Variants in CDH13 observed in about 807,000 individuals in gnomAD.
CDH13 encodes the protein cadherin-13.
Under a neutral mutation model 63.8 loss-of-function variants are expected in CDH13, and 24 were observed. That is an observed-to-expected ratio of 0.38 (90% CI 0.27 to 0.53). CDH13 has a LOEUF of 0.53. Among genes scored for constraint, CDH13 ranks in the 20% least tolerant of loss-of-function variants. The probability of loss-of-function intolerance (pLI) is 0.85; values close to 1 mark genes in which losing one functional copy is unlikely to be tolerated. For synonymous variants in CDH13, 503 were observed against 355.3 expected, an observed-to-expected ratio of 1.42 and a Z score of -4.67; for missense variants, 1,049 against 903.1, an observed-to-expected ratio of 1.16 and a Z score of -2.07.
chr16:83,438,472 G>C (rs568629949), intron 6 of CDH13, among the ~76,000 whole-genome samples: 1 of 152,334 alleles, frequency 6.6e-6, no homozygotes, highest in African/African-American at 2.4e-5. Context: ...CCCGGTCACA[G>C]TTGTCTCTTC....
At chr16:83,114,865 G>T (rs1228659226) in intron 3 of CDH13, among the ~76,000 whole-genome samples, 3 of 152,198 alleles carry the variant, frequency 2.0e-5, no homozygotes, top group African/African-American at 7.2e-5. Flanking sequence ...GAATTGAGTA[G>T]CACAGAACTG....
intron 10 of CDH13, among the ~76,000 whole-genome samples, chr16:83,696,257 A>T (rs996857566): frequency 6.6e-6 from 1 of 152,122 alleles, no homozygotes; most frequent in Non-Finnish European, 1.5e-5. Flanking sequence ...CTATTTTTTT[A>T]AAAAGTCATG....
At chr16:83,179,886 TTAAG>T (rs894756505) in intron 4 of CDH13, among the ~76,000 whole-genome samples, 16 of 146,668 alleles carry the variant, frequency 1.1e-4, no homozygotes, top group African/African-American at 4.4e-4. Context: ...TCAAAATAGG[TTAAG>T]TTTTTTTTTT....
intron 1 of CDH13, among the ~76,000 whole-genome samples, chr16:82,667,233 A>C (rs1259567248): frequency 1.3e-5 from 2 of 152,218 alleles, no homozygotes; most frequent in Admixed American, 6.5e-5. Context: ...TATCCCATAA[A>C]GCAGAGAGCT....
At chr16:83,456,072 G>T (rs902269126) in intron 6 of CDH13, among the ~76,000 whole-genome samples, 5 of 152,208 alleles carry the variant, frequency 3.3e-5, no homozygotes, top group African/African-American at 1.2e-4. Context: ...CCAATATCCA[G>T]CCCTGGCTTG....
intron 7 of CDH13, among the ~76,000 whole-genome samples, chr16:83,589,468 T>G (rs1373060375): frequency 6.6e-6 from 1 of 151,518 alleles, no homozygotes; most frequent in Non-Finnish European, 1.5e-5. Flanking sequence ...GTGATCACAT[T>G]GGGCCCATTC....
chr16:83,475,842 C>T (rs1350225838), intron 6 of CDH13, among the ~76,000 whole-genome samples: 1 of 152,200 alleles, frequency 6.6e-6, no homozygotes, highest in Admixed American at 6.5e-5. Flanking sequence ...ACCTCGGCCT[C>T]CCAAAGTGAT....
At chr16:83,650,812 C>T (rs575500420) in intron 8 of CDH13, among the ~76,000 whole-genome samples, 3 of 152,238 alleles carry the variant, frequency 2.0e-5, no homozygotes, top group South Asian at 4.1e-4. Flanking sequence ...GTGGCTAATG[C>T]CTGTTATCTT....
intron 1 of CDH13, among the ~76,000 whole-genome samples, chr16:82,630,960 A>T (rs1054495852): frequency 6.6e-5 from 10 of 152,236 alleles, no homozygotes; most frequent in African/African-American, 2.4e-4. Context: ...AAGAACTTCA[A>T]TGCAGCAACT....
intron 2 of CDH13, among the ~76,000 whole-genome samples, chr16:82,882,102 T>TA (rs1236376740): frequency 6.6e-6 from 1 of 152,204 alleles, no homozygotes; most frequent in African/African-American, 2.4e-5. Context: ...AGAGCTTTTT[T>TA]AAAAAAATAA....
At chr16:83,448,534 C>A (rs1461374909) in intron 6 of CDH13, among the ~76,000 whole-genome samples, 2 of 152,124 alleles carry the variant, frequency 1.3e-5, no homozygotes, top group African/African-American at 4.8e-5. Flanking sequence ...TGATAGGGGC[C>A]TCTTCATAGA....
At chr16:83,386,561 T>A (rs79449174) in intron 6 of CDH13, among the ~76,000 whole-genome samples, 1 of 152,188 alleles carries the variant, frequency 6.6e-6, no homozygotes, top group East Asian at 1.9e-4. Context: ...CGGATAGTAT[T>A]ACCCACCCTA....
intron 5 of CDH13, among the ~76,000 whole-genome samples, chr16:83,225,231 A>C (rs1407790028): frequency 6.6e-6 from 1 of 152,154 alleles, no homozygotes; most frequent in Non-Finnish European, 1.5e-5. Context: ...TGACCTGATC[A>C]CTAATTGGCC....
chr16:82,929,594 G>T (rs2042413670), intron 2 of CDH13, among the ~76,000 whole-genome samples: 1 of 138,576 alleles, frequency 7.2e-6, no homozygotes, highest in African/African-American at 2.7e-5. Context: ...GGAGCTTGCA[G>T]TGAGCAAACG....
At chr16:83,070,856 C>T (rs1567801291) in intron 3 of CDH13, among the ~76,000 whole-genome samples, 2 of 28,466 alleles carry the variant, frequency 7.0e-5, no homozygotes, top group African/African-American at 2.0e-4. Context: ...TAATAAACAG[C>T]CCCCCCCCCC....
At chr16:82,659,130 G>T (rs1283832858) in intron 1 of CDH13, among the ~76,000 whole-genome samples, 1 of 152,176 alleles carries the variant, frequency 6.6e-6, no homozygotes, top group African/African-American at 2.4e-5. Context: ...CACAGTTGCT[G>T]CTGGTTCCCA....
chr16:83,191,728 A>T (rs2038720781), intron 4 of CDH13, among the ~76,000 whole-genome samples: 1 of 151,726 alleles, frequency 6.6e-6, no homozygotes, highest in Admixed American at 6.6e-5. Flanking sequence ...AGCATGGGCG[A>T]AAGATGTAGG....
At chr16:83,018,672 A>G (rs1212558927) in intron 2 of CDH13, among the ~76,000 whole-genome samples, 1 of 152,216 alleles carries the variant, frequency 6.6e-6, no homozygotes, top group Admixed American at 6.5e-5. Context: ...TAATTTAATC[A>G]TTGTTGGAAC....
intron 1 of CDH13, among the ~76,000 whole-genome samples, chr16:82,634,960 G>C (rs1487856566): frequency 6.6e-6 from 1 of 152,234 alleles, no homozygotes; most frequent in East Asian, 1.9e-4. Context: ...GGCAGACTGA[G>C]TCTCTGCTCT....
Sources: allele counts gnomAD v4.1 joint callset (sites outside exome capture counted in the v4.1 genomes callset), GRCh38; gene constraint gnomAD v4.1.1; transcripts MANE v1.5; gene names NCBI Gene and HGNC (gene_info 2026-07-23, HGNC 2026-07-21).